Variants in TNFSF4 observed in about 807,000 individuals in gnomAD.
The protein encoded by TNFSF4 is tumor necrosis factor ligand superfamily member 4.
Under a neutral mutation model 7.3 loss-of-function variants are expected in TNFSF4, and 4 were observed. That is an observed-to-expected ratio of 0.55 (90% confidence interval 0.27 to 1.25). The LOEUF is 1.25. Ranked by LOEUF, TNFSF4 falls within the 50% of genes most tolerant of loss-of-function variation. The probability of loss-of-function intolerance (pLI) is 0.12; values close to 1 mark genes in which losing one functional copy is unlikely to be tolerated. For missense variants in TNFSF4, 181 were observed against 208.8 expected (o/e 0.87, Z 0.82); for synonymous variants, 76 against 83.7 (o/e 0.91, Z 0.50).
chr1:173,414,482 C>G, the TNFSF4 span, among the ~76,000 whole-genome samples: 4 of 152,280 alleles, frequency 2.6e-5, 1 homozygote, highest in South Asian at 8.3e-4. Context: ...CAATCTGTAA[C>G]AAGTATTGTC....
the TNFSF4 span, among the ~76,000 whole-genome samples, chr1:173,243,677 C>T: frequency 7.9e-5 from 12 of 152,202 alleles, no homozygotes; most frequent in East Asian, 1.5e-3. Context: ...TGCCATATGT[C>T]CTCTCCACTA....
the TNFSF4 span, among the ~76,000 whole-genome samples, chr1:173,441,440 T>C: frequency 6.6e-6 from 1 of 152,146 alleles, no homozygotes; most frequent in African/African-American, 2.4e-5. Flanking sequence ...CTGGCCAACA[T>C]GGTGAAATCC....
intron 1 of TNFSF4, among the ~76,000 whole-genome samples, chr1:173,201,126 A>G (rs1208188558): frequency 6.6e-6 from 1 of 152,218 alleles, no homozygotes; most frequent in South Asian, 2.1e-4. Context: ...AATATATCAA[A>G]ATAAGAAGAA....
chr1:173,279,893 C>T, the TNFSF4 span, among the ~76,000 whole-genome samples: 4 of 152,240 alleles, frequency 2.6e-5, 1 homozygote, highest in African/African-American at 7.2e-5. Flanking sequence ...CACTCAACAT[C>T]ATTTAATTAT....
chr1:173,199,441 G>A (rs1047430927), intron 1 of TNFSF4, among the ~76,000 whole-genome samples: 9 of 151,946 alleles, frequency 5.9e-5, no homozygotes, highest in African/African-American at 1.2e-4. Flanking sequence ...TGAAGAGAAG[G>A]AGAAGACACA....
the TNFSF4 span, among the ~76,000 whole-genome samples, chr1:173,381,466 T>C: frequency 2.0e-5 from 3 of 152,204 alleles, no homozygotes; most frequent in Admixed American, 2.0e-4. Flanking sequence ...CTATTACTTG[T>C]CTTTGGGCCC....
At chr1:173,211,653 A>G (rs1402485914), upstream of TNFSF4, among the ~76,000 whole-genome samples, 2 of 152,148 alleles carry the variant, frequency 1.3e-5, no homozygotes, top group African/African-American at 4.8e-5. Flanking sequence ...ACCTCTGACT[A>G]TCAAAACCCT....
the TNFSF4 span, among the ~76,000 whole-genome samples, chr1:173,280,601 A>G: frequency 6.6e-6 from 1 of 152,154 alleles, no homozygotes; most frequent in Non-Finnish European, 1.5e-5. Context: ...TTCCTTGGAT[A>G]AGGCTGAATA....
the TNFSF4 span, among the ~76,000 whole-genome samples, chr1:173,308,709 A>G: frequency 6.6e-6 from 1 of 151,916 alleles, no homozygotes; most frequent in Admixed American, 6.6e-5. Context: ...TCCCTGTTCC[A>G]TGTTATCTGG....
the TNFSF4 span, among the ~76,000 whole-genome samples, chr1:173,212,897 T>C: frequency 7.1e-6 from 1 of 141,474 alleles, no homozygotes; most frequent in African/African-American, 2.5e-5. Context: ...AAAATATACA[T>C]AAATAAATAA....
chr1:173,217,696 A>C, the TNFSF4 span, among the ~76,000 whole-genome samples: 1 of 152,304 alleles, frequency 6.6e-6, no homozygotes, highest in East Asian at 1.9e-4. Context: ...TATTATGGTA[A>C]ATAAAACACT....
At chr1:173,259,534 T>C in the TNFSF4 span, among the ~76,000 whole-genome samples, 1 of 152,114 alleles carries the variant, frequency 6.6e-6, no homozygotes, top group African/African-American at 2.4e-5. Flanking sequence ...AGATGGGTAA[T>C]GATGAACTTC....
rs1262861441 is a variant in TNFSF4 at position 173,183,969 on chromosome 1, C to G, written c.*2547G>C. ...ATCTAACTAACAATTGATAACTGCT[C>G]TTGAAGGACTCACAAAGATGGCTGA... is the stretch of plus-strand genomic sequence containing the variant. On this transcript the variant is annotated 3_prime_UTR_variant, in exon 3 of 3. Transcript: ENST00000281834. 3.9e-5 allele frequency: 6 copies of G among 152,102 alleles called. No homozygotes were observed. The highest frequency in any genetic ancestry group is 7.4e-5 in the Non-Finnish European group (5 of 68,022). The allele number at this position is 152,102 out of a possible 1,614,324, so 9.4% of individuals were successfully genotyped here.
At chr1:173,325,361 A>G in the TNFSF4 span, among the ~76,000 whole-genome samples, 1 of 152,216 alleles carries the variant, frequency 6.6e-6, no homozygotes, top group African/African-American at 2.4e-5. Flanking sequence ...ACACATTCAA[A>G]GCAGTGTGTA....
At chr1:173,433,915 T>G in the TNFSF4 span, among the ~76,000 whole-genome samples, 1 of 152,178 alleles carries the variant, frequency 6.6e-6, no homozygotes, top group Non-Finnish European at 1.5e-5. Flanking sequence ...CCTAATTCAG[T>G]AAGGCTGGTG....
At chr1:173,318,620 T>C in the TNFSF4 span, among the ~76,000 whole-genome samples, 1,472 of 152,348 alleles carry the variant, frequency 9.7e-3, 12 homozygotes, top group Non-Finnish European at 0.014. Context: ...TATTTCTATA[T>C]ACCAGAAAAA....
At chr1:173,406,601 T>C in the TNFSF4 span, among the ~76,000 whole-genome samples, 1 of 152,240 alleles carries the variant, frequency 6.6e-6, no homozygotes, top group Non-Finnish European at 1.5e-5. Flanking sequence ...TTCATTGCTA[T>C]GTTCTTAATT....
the TNFSF4 span, among the ~76,000 whole-genome samples, chr1:173,333,349 T>C: frequency 1.3e-5 from 2 of 151,900 alleles, no homozygotes; most frequent in Admixed American, 1.3e-4. Context: ...AAGCTGACCC[T>C]CTTGCAAGTC....
At chr1:173,197,047 T>A (rs1318920212) in intron 1 of TNFSF4, among the ~76,000 whole-genome samples, 1 of 152,214 alleles carries the variant, frequency 6.6e-6, no homozygotes, top group Non-Finnish European at 1.5e-5. Flanking sequence ...AGGACATCCC[T>A]GGACCTTCAT....
Sources: allele counts gnomAD v4.1 joint callset (sites outside exome capture counted in the v4.1 genomes callset), GRCh38; gene constraint gnomAD v4.1.1; transcripts MANE v1.5; gene names NCBI Gene and HGNC (gene_info 2026-07-23, HGNC 2026-07-21).